The following PKNOX2 variants were observed in gnomAD, a reference collection of about 807,000 sequenced individuals.
PKNOX2 encodes homeobox protein PKNOX2.
In PKNOX2, 14 loss-of-function variants were observed where a neutral mutation model predicts 53.1. The observed-to-expected ratio is 0.26, with a 90% confidence interval of 0.17 to 0.41. The LOEUF (loss-of-function observed/expected upper bound fraction) is 0.41. Ranked by LOEUF, PKNOX2 falls within the 10% of genes least tolerant of loss-of-function variation. The pLI is 1.00. For synonymous variants in PKNOX2, 257 were observed against 242.8 expected, an observed-to-expected ratio of 1.06 and a Z score of -0.54; for missense variants, 496 against 602.8, an observed-to-expected ratio of 0.82 and a Z score of 1.85.
chr11:125,416,031 C>T (rs1210527240), intron 10 of PKNOX2, among the ~76,000 whole-genome samples: 6 of 152,218 alleles, frequency 3.9e-5, no homozygotes, highest in South Asian at 2.1e-4. Context: ...AGGCCGGGTG[C>T]GGTGGCTCAC....
chr11:125,261,147 T>C (rs752871344), intron 2 of PKNOX2, among the ~76,000 whole-genome samples: 1 of 152,200 alleles, frequency 6.6e-6, no homozygotes, highest in Non-Finnish European at 1.5e-5. Context: ...ATTTGGATCG[T>C]GGGTCCTGGG....
intron 1 of PKNOX2, among the ~76,000 whole-genome samples, chr11:125,195,275 G>A (rs1957111406): frequency 6.6e-6 from 1 of 152,218 alleles, no homozygotes; most frequent in Non-Finnish European, 1.5e-5. Flanking sequence ...CTGCTTCAAA[G>A]CATCTGGTCT....
intron 2 of PKNOX2, among the ~76,000 whole-genome samples, chr11:125,256,967 C>T (rs61159628): frequency 0.056 from 8,424 of 151,276 alleles, 796 homozygotes; most frequent in African/African-American, 0.19. Context: ...TACTGTTGCT[C>T]TCAACCAATC....
intron 2 of PKNOX2, among the ~76,000 whole-genome samples, chr11:125,297,759 T>C (rs1180321755): frequency 2.0e-5 from 3 of 152,170 alleles, no homozygotes; most frequent in Non-Finnish European, 4.4e-5. Context: ...GTTTCCTCTG[T>C]CTGGAACACA....
At chr11:125,358,514 T>A (rs969335106) in intron 4 of PKNOX2, among the ~76,000 whole-genome samples, 1 of 152,232 alleles carries the variant, frequency 6.6e-6, no homozygotes, top group Non-Finnish European at 1.5e-5. Context: ...AGTCACATTG[T>A]GTAAACCACC....
At chr11:125,309,535 G>A (rs560422788) in intron 2 of PKNOX2, among the ~76,000 whole-genome samples, 10 of 151,890 alleles carry the variant, frequency 6.6e-5, no homozygotes, top group Non-Finnish European at 1.0e-4. Flanking sequence ...TTAAGGCACC[G>A]GCCACCACGC....
In PKNOX2 at chr11:125,410,202, C is replaced by G. The variant is rs778368623; in HGVS notation, c.595C>G (p.Leu199Val). The G allele has an allele frequency of 4.3e-6, 7 of 1,613,842 alleles. No individual in the cohort carries two copies. In the African/African-American group the frequency reaches 9.3e-5, roughly 22 times the overall value. Residue 199 changes from leucine to valine, a missense_variant, in exon 8 of 13, where the codon CTG (leucine) becomes GTG (valine). By Grantham distance (32) the Leu-to-Val change is conservative. Transcript: ENST00000298282. ...PSINLHSQDL[L>V]QNSPNSMSGV... is the part of the protein sequence containing the mutation. Reference sequence around the variant, plus strand: ...ACGCCTCCCTCACTGCCAGGACCTCCTGCAGAATTCCCCCAATTCCATGTC... The same window carrying G: ...ACGCCTCCCTCACTGCCAGGACCTCGTGCAGAATTCCCCCAATTCCATGTC...
At chr11:125,418,549 G>A (rs1413745588) in intron 10 of PKNOX2, among the ~76,000 whole-genome samples, 2 of 152,014 alleles carry the variant, frequency 1.3e-5, no homozygotes, top group Admixed American at 6.5e-5. Flanking sequence ...AGGAACAGCG[G>A]GTGCACTGCA....
chr11:125,416,410 TTA>T (rs1955889584), intron 10 of PKNOX2, among the ~76,000 whole-genome samples: 1 of 151,884 alleles, frequency 6.6e-6, no homozygotes, highest in Non-Finnish European at 1.5e-5. Context: ...TTCCAATCCT[TTA>T]TGTTTGTCTC....
chr11:125,411,367 G>T, intron 9 of PKNOX2: 1 of 373,604 alleles, frequency 2.7e-6, no homozygotes, highest in Non-Finnish European at 5.1e-6. Flanking sequence ...TTTGCAAACT[G>T]TAAAGTACCA....
At chr11:125,286,328 C>G (rs536886387) in intron 2 of PKNOX2, among the ~76,000 whole-genome samples, 1 of 152,212 alleles carries the variant, frequency 6.6e-6, no homozygotes, top group South Asian at 2.1e-4. Flanking sequence ...AAATCATACC[C>G]TAAAGGTATT....
chr11:125,175,733 C>T (rs1955665047), intron 1 of PKNOX2, among the ~76,000 whole-genome samples: 1 of 152,184 alleles, frequency 6.6e-6, no homozygotes, highest in Non-Finnish European at 1.5e-5. Context: ...GCCCTGTGCT[C>T]ACTGTGGGAC....
rs1266578853 is a variant in PKNOX2, at chr11:125,370,989, GAGGGGCAGTGTGACAA to G, written c.227+3010_227+3025del. Among the ~76,000 whole-genome samples, 1 of 152,230 alleles carries G rather than the reference GAGGGGCAGTGTGACAA, an allele frequency of 6.6e-6. No homozygotes were observed. Among genetic ancestry groups the G allele is most frequent in the Non-Finnish European group, 1.5e-5 (1 of 68,032 alleles). ...CTGCCTAGGACACTGCTCGGTGGCA[GAGGGGCAGTGTGACAA>G]AGGGGAGGGAGCCTGCCAGTGCCCG... On this transcript the variant is annotated intron_variant, in intron 5 of 12. Transcript: ENST00000298282. This position sits in a 1 kb window ranked among gnomAD's most constrained non-coding sequence, Gnocchi z 4.1.
At chr11:125,178,636 A>AAGAAAG (rs1565462411) in intron 1 of PKNOX2, among the ~76,000 whole-genome samples, 2 of 94,322 alleles carry the variant, frequency 2.1e-5, no homozygotes, top group Non-Finnish European at 3.9e-5. Context: ...GAAAGAAAGA[A>AAGAAAG]AGAAAGAAAG....
At chr11:125,174,759 C>G (rs1955579614) in intron 1 of PKNOX2, among the ~76,000 whole-genome samples, 1 of 152,122 alleles carries the variant, frequency 6.6e-6, no homozygotes, top group African/African-American at 2.4e-5. Flanking sequence ...GGACAGAAAT[C>G]AGGCAGGAGA....
rs146781640 is a variant in PKNOX2 at position 125,242,866 on chromosome 11, A to G, written c.-130+7751A>G. Among the ~76,000 whole-genome samples the G allele has an allele frequency of 4.6e-3, 698 of 152,254 alleles. 4 individuals carry two copies. The highest frequency in any genetic ancestry group is 0.016 in the African/African-American group (655 of 41,540). ...GCTCTGCTGAGCCTGCAGTGTTTCTAGGTACACAGTAGGTGCTCAACAAAT... is the reference window on the plus strand; with the variant it reads ...GCTCTGCTGAGCCTGCAGTGTTTCTGGGTACACAGTAGGTGCTCAACAAAT... On this transcript the variant is annotated intron_variant, in intron 2 of 12. Coordinates refer to ENST00000298282, the MANE Select transcript of PKNOX2 (RefSeq NM_001382323.2).
chr11:125,430,508 G>A lies in PKNOX2; in HGVS notation c.1192+367G>A, dbSNP rs867770554. Among the ~76,000 whole-genome samples the A allele has an allele frequency of 2.6e-5, 4 of 152,238 alleles. No homozygotes were observed. In the Middle Eastern group the frequency reaches 0.01, roughly 388 times the overall value. On this transcript the variant is annotated intron_variant, in intron 12 of 12. Coordinates refer to ENST00000298282, the MANE Select transcript of PKNOX2 (RefSeq NM_001382323.2). Reference sequence around the variant, plus strand: ...GCAGGCAGCTGGCTCGTGAACAGGGGCCAGGAAGAGCTCTGTTTTCCCAGC... The same window carrying A: ...GCAGGCAGCTGGCTCGTGAACAGGGACCAGGAAGAGCTCTGTTTTCCCAGC...
rs1293296907 is a variant in PKNOX2, at chr11:125,178,471, A to G, written c.-201+13695A>G. ...GGTTGCGGTGAGCCGAGATTGTGCC[A>G]TTACACTCCAGCCTGGGCAGCAGAG... On this transcript the variant is annotated intron_variant, in intron 1 of 12. Coordinates refer to ENST00000298282, the MANE Select transcript of PKNOX2 (RefSeq NM_001382323.2). 1.0e-4 allele frequency among the ~76,000 whole-genome samples: 15 copies of G among 149,796 alleles called. No homozygotes were observed. In the South Asian group the frequency reaches 2.7e-3, roughly 27 times the overall value.
rs1956677390 is a variant in PKNOX2, at chr11:125,431,066, C to T, written c.1193-100C>T. On this transcript the variant is annotated intron_variant, in intron 12 of 12. Transcript: ENST00000298282. ...TGGACAGCTCTAAAAACAAGGAGTT[C>T]ACTGCTCTATGAGCCAGTCCATTAA... is the stretch of plus-strand genomic sequence containing the variant. 7 of 1,482,640 alleles carry T rather than the reference C, an allele frequency of 4.7e-6. 1 individual carries two copies. In the South Asian group the frequency reaches 9.6e-5, roughly 20 times the overall value. The allele number at this position is 1,482,640 out of a possible 1,614,324, so 91.8% of individuals were successfully genotyped here. A position where few individuals can be genotyped will look rare whatever the true frequency, so the allele number is the denominator to read the frequency against.
Sources: allele counts gnomAD v4.1 joint callset (sites outside exome capture counted in the v4.1 genomes callset), GRCh38; gene constraint gnomAD v4.1.1; non-coding constraint Gnocchi (gnomAD v3.1); transcripts MANE v1.5; gene names NCBI Gene and HGNC (gene_info 2026-07-23, HGNC 2026-07-21).